GPR158: variants seen among roughly 807,000 people sequenced by gnomAD.
GPR158 encodes metabotropic glycine receptor.
A neutral mutation model predicts 78.2 loss-of-function variants in GPR158; 30 were observed. The observed-to-expected ratio is 0.38, with a 90% CI of 0.29 to 0.52. The LOEUF (loss-of-function observed/expected upper bound fraction) is 0.52, where lower values mean the gene tolerates loss of function less well. Ranked by LOEUF, GPR158 falls within the 20% of genes least tolerant of loss-of-function variation. The pLI, the probability that GPR158 is intolerant of heterozygous loss-of-function variation, is 0.83. For missense variants in GPR158, 1,463 were observed against 1,523.5 expected, an observed-to-expected ratio of 0.96 and a Z score of 0.66; for synonymous variants, 581 against 591.1, an observed-to-expected ratio of 0.98 and a Z score of 0.25.
intron 8 of GPR158, among the ~76,000 whole-genome samples, chr10:25,590,977 G>T (rs975251908): frequency 6.6e-6 from 1 of 151,968 alleles, no homozygotes; most frequent in Non-Finnish European, 1.5e-5. Flanking sequence ...GTTCTTTCAG[G>T]AGTAGGCATG....
chr10:25,263,867 A>G (rs548206378), intron 2 of GPR158, among the ~76,000 whole-genome samples: 32 of 152,250 alleles, frequency 2.1e-4, no homozygotes, highest in African/African-American at 7.5e-4. Flanking sequence ...AACCCAGGAG[A>G]TAGAGATTGC....
intron 1 of GPR158, among the ~76,000 whole-genome samples, chr10:25,213,459 G>GAT (rs1368798308): frequency 2.6e-5 from 4 of 151,928 alleles, no homozygotes; most frequent in African/African-American, 9.7e-5. Flanking sequence ...TTTTCATTCT[G>GAT]ATATATATTC....
At chr10:25,291,235 G>A (rs1564412402) in intron 2 of GPR158, among the ~76,000 whole-genome samples, 1 of 151,170 alleles carries the variant, frequency 6.6e-6, no homozygotes, top group Non-Finnish European at 1.5e-5. Context: ...GAAAGGGAAG[G>A]GCAGGATAAA....
intron 2 of GPR158, among the ~76,000 whole-genome samples, chr10:25,356,393 C>T (rs71495432): frequency 0.1 from 15,158 of 151,858 alleles, 1,869 homozygotes; most frequent in African/African-American, 0.3. Flanking sequence ...CCTCCCTTTG[C>T]GACTTTTTTT....
intron 2 of GPR158, among the ~76,000 whole-genome samples, chr10:25,349,046 T>C (rs1413398): frequency 0.83 from 125,855 of 152,056 alleles, 53,136 homozygotes; most frequent in African/African-American, 0.88. Context: ...CTTAAAACAA[T>C]ATAAATGTAT....
At chr10:25,534,586 CAAAA>C (rs57381468) in intron 5 of GPR158, among the ~76,000 whole-genome samples, 1 of 110,174 alleles carries the variant, frequency 9.1e-6, no homozygotes, top group Non-Finnish European at 2.2e-5. Context: ...ACTAAAAATG[CAAAA>C]AAAAAAAAAA....
chr10:25,517,034 T>C (rs979478988), intron 5 of GPR158, among the ~76,000 whole-genome samples: 1 of 150,356 alleles, frequency 6.7e-6, no homozygotes, highest in African/African-American at 2.5e-5. Context: ...GTTTGTATCC[T>C]CTTTTGTTTC....
At chr10:25,430,994 A>C (rs1834895128) in intron 4 of GPR158, among the ~76,000 whole-genome samples, 1 of 145,600 alleles carries the variant, frequency 6.9e-6, no homozygotes, top group Non-Finnish European at 1.5e-5. Flanking sequence ...ATGGCAACAA[A>C]AGCCAAAATT....
chr10:25,266,432 A>G (rs1208928205), intron 2 of GPR158, among the ~76,000 whole-genome samples: 1 of 152,168 alleles, frequency 6.6e-6, no homozygotes, highest in African/African-American at 2.4e-5. Flanking sequence ...AGCTGGAGTG[A>G]AGAAGTAATG....
intron 2 of GPR158, among the ~76,000 whole-genome samples, chr10:25,250,425 T>C (rs1235287696): frequency 1.4e-5 from 2 of 147,450 alleles, no homozygotes; most frequent in African/African-American, 5.0e-5. Flanking sequence ...TTTTGGATCT[T>C]TCCTGCTTTC....
At chr10:25,192,090 C>T (rs775302276) in intron 1 of GPR158, among the ~76,000 whole-genome samples, 4 of 152,252 alleles carry the variant, frequency 2.6e-5, no homozygotes, top group East Asian at 1.9e-4. Flanking sequence ...ATAATTCCCA[C>T]GTGTCAAGGG....
At chr10:25,549,946 A>G (rs1213399925) in intron 5 of GPR158, among the ~76,000 whole-genome samples, 1 of 152,214 alleles carries the variant, frequency 6.6e-6, no homozygotes, top group Non-Finnish European at 1.5e-5. Flanking sequence ...CTTTTAGCAG[A>G]AACAGTTCAG....
chr10:25,225,979 T>A (rs1204878572), intron 2 of GPR158, among the ~76,000 whole-genome samples: 1 of 152,132 alleles, frequency 6.6e-6, no homozygotes, highest in Non-Finnish European at 1.5e-5. Context: ...TTGACTACAG[T>A]GGGTTTAGAG....
intron 1 of GPR158, among the ~76,000 whole-genome samples, chr10:25,181,497 G>A (rs766437320): frequency 1.3e-5 from 2 of 152,108 alleles, no homozygotes; most frequent in Non-Finnish European, 1.5e-5. Context: ...CATTATGAAG[G>A]CTTGTGATGG....
intron 7 of GPR158, among the ~76,000 whole-genome samples, chr10:25,573,623 C>T (rs1463020568): frequency 6.6e-6 from 1 of 152,192 alleles, no homozygotes; most frequent in Non-Finnish European, 1.5e-5. Context: ...CGTCCCTAAA[C>T]ATACAACAAA....
At chr10:25,277,289 A>G (rs908590097) in intron 2 of GPR158, among the ~76,000 whole-genome samples, 2 of 152,290 alleles carry the variant, frequency 1.3e-5, no homozygotes, top group East Asian at 1.9e-4. Context: ...AAAGAAAACT[A>G]AAACAGTAAC....
At chr10:25,359,507 T>C (rs1249365606) in intron 2 of GPR158, among the ~76,000 whole-genome samples, 4 of 152,020 alleles carry the variant, frequency 2.6e-5, no homozygotes, top group African/African-American at 9.7e-5. Flanking sequence ...GAATATGTGG[T>C]GGTGGTTTTT....
At position 25,344,836 on chromosome 10, in the gene GPR158, A is replaced by G. The variant is rs190714726; in HGVS notation, c.1009-51075A>G. Among the ~76,000 whole-genome samples the G allele has an allele frequency of 3.4e-3, 510 of 152,112 alleles. 3 individuals carry two copies. The highest frequency in any genetic ancestry group is 0.011 in the African/African-American group (471 of 41,550). On this transcript the variant is annotated intron_variant, in intron 2 of 10. Transcript: ENST00000376351. ...ACAGAAATTTATTTCTTACAGTTCT[A>G]GAGCCTGGAAGTCCAATATCAAGGT...
chr10:25,271,590 G>T (rs1344578835), intron 2 of GPR158, among the ~76,000 whole-genome samples: 1 of 152,140 alleles, frequency 6.6e-6, no homozygotes, highest in Admixed American at 6.5e-5. Flanking sequence ...CGAAGTTAAG[G>T]GTTTAGAATG....
Sources: gnomAD v4.1 joint callset for allele counts (sites outside exome capture counted in the v4.1 genomes callset) on GRCh38, gnomAD v4.1.1 for gene constraint, MANE v1.5 for transcripts, NCBI Gene and HGNC (gene_info 2026-07-23, HGNC 2026-07-21) for gene names.